ARAP2: variants seen among roughly 807,000 people sequenced by gnomAD.
The protein encoded by ARAP2 is ArfGAP with RhoGAP domain, ankyrin repeat and PH domain 2, also known as arf-GAP with Rho-GAP domain, ANK repeat and PH domain-containing protein 2.
Under a neutral mutation model 194.5 loss-of-function variants are expected in ARAP2, and 148 were observed. That is an observed-to-expected ratio of 0.76 (90% CI 0.67 to 0.87). The LOEUF (loss-of-function observed/expected upper bound fraction) is 0.87, where lower values mean the gene tolerates loss of function less well. ARAP2 is among the 40% of genes least tolerant of loss of function. The pLI is 0.00. For missense variants in ARAP2, 2,128 were observed against 1,989.7 expected (o/e 1.07, Z -1.32); for synonymous variants, 695 against 683.5 (o/e 1.02, Z -0.26).
At position 36,213,282 on chromosome 4, in the gene ARAP2, A is replaced by G. The variant is rs1217238895; in HGVS notation, c.1002T>C (p.Tyr334=). 1.9e-5 allele frequency: 30 copies of G among 1,608,436 alleles called. No individual in the cohort carries two copies. The highest frequency in any genetic ancestry group is 2.5e-5 in the Non-Finnish European group (29 of 1,175,346). Residue 334 remains tyrosine (Y), a synonymous_variant, in exon 4 of 33, where the codon TAT becomes TAC. Coordinates refer to ENST00000303965, the MANE Select transcript of ARAP2 (RefSeq NM_015230.4). ...NEENSSSIFP[Y]GETFLFQRLE... Reference sequence around the variant, plus strand: ...GTCTCTGGAAGAGAAAGGTCTCTCCATAAGGAAAGATGGAAGATGAATTCT... The same window carrying G: ...GTCTCTGGAAGAGAAAGGTCTCTCCGTAAGGAAAGATGGAAGATGAATTCT...
intron 28 of ARAP2, among the ~76,000 whole-genome samples, chr4:36,086,208 G>A (rs1711773028): frequency 6.6e-6 from 1 of 152,064 alleles, no homozygotes; most frequent in Admixed American, 6.6e-5. Context: ...AGCAGTATGG[G>A]GAAGATAGGA....
At chr4:36,113,501 T>G (rs1371226663) in intron 26 of ARAP2, among the ~76,000 whole-genome samples, 1 of 152,016 alleles carries the variant, frequency 6.6e-6, no homozygotes, top group Non-Finnish European at 1.5e-5. Flanking sequence ...GGCAAGATTT[T>G]CCTTTTGGCA....
At chr4:36,042,629 T>A in intron 5 of ARAP2, among the ~76,000 whole-genome samples, 1 of 152,204 alleles carries the variant, frequency 6.6e-6, no homozygotes, top group East Asian at 1.9e-4. Context: ...TTTAGATGTC[T>A]GGCAAGGTAA....
intron 15 of ARAP2, among the ~76,000 whole-genome samples, chr4:36,152,849 G>A (rs1022421003): frequency 3.0e-4 from 45 of 152,176 alleles, no homozygotes; most frequent in African/African-American, 1.0e-3. Flanking sequence ...TTTGCCCAGA[G>A]AATCAGATTA....
At chr4:36,164,671 T>A (rs1057498220) in intron 11 of ARAP2, among the ~76,000 whole-genome samples, 2 of 152,234 alleles carry the variant, frequency 1.3e-5, no homozygotes, top group African/African-American at 4.8e-5. Flanking sequence ...ACTGTCTTTT[T>A]AAAATCTATA....
chr4:36,096,226 G>A (rs185881126), intron 27 of ARAP2, among the ~76,000 whole-genome samples: 184 of 151,614 alleles, frequency 1.2e-3, no homozygotes, highest in African/African-American at 4.1e-3. Flanking sequence ...TTAGCCAGGC[G>A]TGGTGGTGTG....
chr4:36,121,079 T>C (rs1722562827), intron 23 of ARAP2, 100 bp downstream of exon 23: 9 of 849,682 alleles, frequency 1.1e-5, no homozygotes, highest in African/African-American at 1.8e-5. Flanking sequence ...TTTCTAAATA[T>C]GAATAAAGAT....
intron 19 of ARAP2, among the ~76,000 whole-genome samples, chr4:36,143,705 T>C (rs1234593545): frequency 3.3e-5 from 5 of 151,822 alleles, no homozygotes; most frequent in African/African-American, 1.2e-4. Flanking sequence ...ATGGTGGGGA[T>C]GGTACATTAG....
intron 9 of ARAP2, among the ~76,000 whole-genome samples, chr4:36,170,945 A>C (rs2109823758): frequency 6.6e-6 from 1 of 152,270 alleles, no homozygotes; most frequent in Non-Finnish European, 1.5e-5. Context: ...TGGAAAAAAA[A>C]AAATGCCTGG....
chr4:36,040,000 G>C (rs1720576313), intron 5 of ARAP2, among the ~76,000 whole-genome samples: 1 of 152,182 alleles, frequency 6.6e-6, no homozygotes, highest in Admixed American at 6.5e-5. Context: ...ACCACCATTA[G>C]AAGAAGTTGT....
In ARAP2 at chr4:36,114,281, G is replaced by C. The variant is rs1720779184; in HGVS notation, c.4045C>G (p.Pro1349Ala). 6.4e-7 allele frequency: 1 copy of C among 1,557,080 alleles called. No homozygotes were observed. The highest frequency in any genetic ancestry group is 1.4e-5 in the African/African-American group (1 of 72,682). ...GTTAATTCTTCTGCTTCCATCACAG[G>C]AGATATCTGTAAGAGAAGTAATATT... ...PDCSIIIRISPVMEAEELTND... is the reference protein window; with the variant it reads ...PDCSIIIRISAVMEAEELTND... The change falls in exon 26 of 33, where the codon CCT becomes GCT. Residue 1349 changes from proline to alanine, a missense_variant. Physicochemically the swap from Pro to Ala is conservative, Grantham distance 27. Transcript: ENST00000303965.
At chr4:36,084,973 A>G (rs1730475516) in intron 28 of ARAP2, among the ~76,000 whole-genome samples, 1 of 152,124 alleles carries the variant, frequency 6.6e-6, no homozygotes, top group Admixed American at 6.6e-5. Flanking sequence ...ATCTACACGG[A>G]TAGGGTACAT....
At chr4:36,220,203 T>A (rs1039767660) in intron 2 of ARAP2, among the ~76,000 whole-genome samples, 2 of 151,958 alleles carry the variant, frequency 1.3e-5, no homozygotes, top group African/African-American at 4.8e-5. Context: ...GCCAGATAGG[T>A]CTCAGATTTT....
intron 6 of ARAP2, among the ~76,000 whole-genome samples, chr4:36,208,574 A>T (rs528354365): frequency 6.6e-6 from 1 of 152,202 alleles, no homozygotes; most frequent in Non-Finnish European, 1.5e-5. Flanking sequence ...CCACTGCATA[A>T]GGAAGGGGTA....
At chr4:36,073,327 C>T (rs560918841) in intron 32 of ARAP2, among the ~76,000 whole-genome samples, 1 of 152,162 alleles carries the variant, frequency 6.6e-6, no homozygotes, top group East Asian at 1.9e-4. Context: ...GTTTAGTTAC[C>T]AGGGCTCCAG....
intron 20 of ARAP2, 131 bp from the exon 21 acceptor site, chr4:36,128,876 A>G: frequency 2.7e-6 from 2 of 729,284 alleles, no homozygotes; most frequent in Non-Finnish European, 2.2e-6. Context: ...GATGATATAA[A>G]CATGCATGAG....
intron 5 of ARAP2, among the ~76,000 whole-genome samples, chr4:36,044,971 A>G (rs771866695): frequency 4.6e-5 from 7 of 152,194 alleles, no homozygotes; most frequent in Non-Finnish European, 1.0e-4. Flanking sequence ...ACTAATCATC[A>G]GGGGAATACA....
chr4:36,221,510 C>T (rs1749165686), intron 2 of ARAP2, among the ~76,000 whole-genome samples: 1 of 151,602 alleles, frequency 6.6e-6, no homozygotes, highest in Non-Finnish European at 1.5e-5. Flanking sequence ...AGCCACAATG[C>T]TTAACTTACA....
chr4:36,092,143 A>G, intron 27 of ARAP2, 123 bp from the exon 28 acceptor site: 1 of 1,127,424 alleles, frequency 8.9e-7, no homozygotes, highest in South Asian at 2.0e-5. Context: ...GCTAAAGTCT[A>G]AGGTGAACTT....
Sources: gnomAD v4.1 joint callset for allele counts (sites outside exome capture counted in the v4.1 genomes callset) on GRCh38, gnomAD v4.1.1 for gene constraint, MANE v1.5 for transcripts, NCBI Gene and HGNC (gene_info 2026-07-23, HGNC 2026-07-21) for gene names.